PSG6: variants seen among roughly 807,000 people sequenced by gnomAD.
PSG6 encodes the protein pregnancy-specific beta-1-glycoprotein 6.
A neutral mutation model predicts 43.3 loss-of-function variants in PSG6; 51 were observed. The ratio of observed to expected loss-of-function variants is 1.18; its 90% CI spans 0.94 to 1.49. PSG6 has a LOEUF of 1.49. PSG6 is among the 40% of genes most tolerant of loss of function. The probability of loss-of-function intolerance (pLI) is 0.00; values close to 1 mark genes in which losing one functional copy is unlikely to be tolerated. For synonymous variants in PSG6, 292 were observed against 197.6 expected (o/e 1.48, Z -4.01); for missense variants, 770 against 522.2 (o/e 1.47, Z -4.62).
At chr19:42,917,086 C>T (rs1387584075) in intron 1 of PSG6, among the ~76,000 whole-genome samples, 13 of 151,380 alleles carry the variant, frequency 8.6e-5, no homozygotes, top group South Asian at 4.3e-4. Context: ...TTTTTTTTCC[C>T]CCAATTGTTG....
Position 42,907,741 on chromosome 19 carries a change from G to A in PSG6, c.820C>T (p.Leu274=), listed in dbSNP as rs2122626210. 6.2e-7 allele frequency: 1 copy of A among 1,610,860 alleles called. No individual in the cohort carries two copies. Among genetic ancestry groups the A allele is most frequent in the Non-Finnish European group, 8.5e-7 (1 of 1,179,112 alleles). The stretch of plus-strand genomic sequence containing the variant: ...CTGACCGGGAGGCTCTGACCATTTA[G>A]CCACCAAATGTAGGTGTAGTTCCGA... The part of the protein sequence containing the change: ...KSRNYTYIWW[L]NGQSLPVSPR... Residue 274 remains leucine (L), a synonymous_variant, in exon 4 of 6, where the codon CTA becomes TTA. Transcript: ENST00000187910.
intron 5 of PSG6, chr19:42,906,568 GA>G (rs1485460275): frequency 7.6e-7 from 1 of 1,322,954 alleles, no homozygotes; most frequent in African/African-American, 1.5e-5. Flanking sequence ...ATAGGTACAA[GA>G]AAACAAAGAC....
At chr19:42,912,387 G>A (rs578142900) in intron 2 of PSG6, among the ~76,000 whole-genome samples, 1 of 151,768 alleles carries the variant, frequency 6.6e-6, no homozygotes, top group South Asian at 2.1e-4. Context: ...TCAATTGCTG[G>A]TAGTCATATT....
At position 42,910,647 on chromosome 19, in the gene PSG6, G is replaced by T. The variant is rs1972202725; in HGVS notation, c.639C>A (p.Pro213=). 1 of 1,612,400 alleles carries T rather than the reference G, an allele frequency of 6.2e-7. No homozygotes were observed. Among genetic ancestry groups the T allele is most frequent in the Non-Finnish European group, 8.5e-7 (1 of 1,179,272 alleles). ...LFGVTKYIAG[P]YECEIRNPVS... is the part of the protein sequence containing the mutation. ...CTGGGTTCCGTATTTCACATTCATAGGGTCCTGCAATATACTTTGTGACAC... is the reference window on the plus strand; with the variant it reads ...CTGGGTTCCGTATTTCACATTCATATGGTCCTGCAATATACTTTGTGACAC... Residue 213 remains proline, a synonymous_variant, in exon 3 of 6, where the codon CCC becomes CCA. Transcript: ENST00000187910.
At chr19:42,916,575 A>G in intron 1 of PSG6, 88 bp from the exon 2 acceptor site, 1 of 1,496,674 alleles carries the variant, frequency 6.7e-7, no homozygotes, top group Non-Finnish European at 9.0e-7. Context: ...AGGTCTCTTC[A>G]ATCATCAGCC....
Position 42,916,491 on chromosome 19 carries a change from G to C in PSG6, c.65-4C>G. 1.9e-6 allele frequency: 3 copies of C among 1,607,606 alleles called. No individual in the cohort carries two copies. The highest frequency in any genetic ancestry group is 1.3e-5 in the African/African-American group (1 of 74,582). On this transcript the variant is annotated splice_polypyrimidine_tract_variant and splice_region_variant and intron_variant, in intron 1 of 5. Coordinates refer to ENST00000187910, the MANE Select transcript of PSG6 (RefSeq NM_001031850.4). ...TTCCAGAAGTTTAAAAGTGATGCTAGGAGGTAGAGACAGCATCAGTTAATA... is the reference window on the plus strand; with the variant it reads ...TTCCAGAAGTTTAAAAGTGATGCTACGAGGTAGAGACAGCATCAGTTAATA...
At position 42,902,133 on chromosome 19, in the gene PSG6, G is replaced by A. The variant is rs566012291; in HGVS notation, c.*279C>T. 3 of 381,064 alleles carry A rather than the reference G, an allele frequency of 7.9e-6. No homozygotes were observed. In the East Asian group the frequency reaches 1.5e-4, roughly 19 times the overall value. 23.6% of individuals were successfully genotyped at this position (381,064 alleles called of 1,614,324 possible). ...TTACCATAAACCTATGAATACTCAT[G>A]AATAGTTTCCCAATTCTGGGGCACT... On this transcript the variant is annotated 3_prime_UTR_variant, in exon 6 of 6. Coordinates refer to ENST00000187910, the MANE Select transcript of PSG6 (RefSeq NM_001031850.4).
chr19:42,917,763 A>G lies in PSG6; in HGVS notation c.30T>C (p.Thr10=), dbSNP rs555901926. 6.2e-7 allele frequency: 1 copy of G among 1,609,536 alleles called. No homozygotes were observed. Among genetic ancestry groups the G allele is most frequent in the Non-Finnish European group, 8.5e-7 (1 of 1,177,674 alleles). ...GGAGCCCCTTCCAGGTGATGTGCTG[A>G]GTGCAGGGAGGGGCTGAGAGGGGTC... MGPLSAPPC[T]QHITWKGLLL... The change falls in exon 1 of 6, where the codon ACT becomes ACC. Residue 10 remains threonine, a synonymous_variant. Transcript: ENST00000187910.
rs557007471 is a variant in PSG6, at chr19:42,902,222, G to C, written c.*190C>G. 54 of 739,732 alleles carry C rather than the reference G, an allele frequency of 7.3e-5. 1 individual carries two copies. In the East Asian group the frequency reaches 1.4e-3, roughly 19 times the overall value. 45.8% of individuals were successfully genotyped at this position (739,732 alleles called of 1,614,324 possible). On this transcript the variant is annotated 3_prime_UTR_variant, in exon 6 of 6. Coordinates refer to ENST00000187910, the MANE Select transcript of PSG6 (RefSeq NM_001031850.4). Reference sequence around the variant, plus strand: ...ACAAAAGTATACTTTACCAATTGCTGAAGAAAAAAAGTTCATAAATCTGGA... The same window carrying C: ...ACAAAAGTATACTTTACCAATTGCTCAAGAAAAAAAGTTCATAAATCTGGA...
At chr19:42,909,529 T>G (rs1458599633) in intron 3 of PSG6, among the ~76,000 whole-genome samples, 1 of 151,682 alleles carries the variant, frequency 6.6e-6, no homozygotes, top group Non-Finnish European at 1.5e-5. Flanking sequence ...ACAATATTGC[T>G]TCTTCCAATC....
chr19:42,910,609 C>T lies in PSG6; in HGVS notation c.677G>A (p.Arg226His), dbSNP rs9748. The T allele has an allele frequency of 3.3e-5, 53 of 1,612,344 alleles. 3 individuals are homozygous for T. The highest frequency in any genetic ancestry group is 8.9e-5 in the East Asian group (4 of 44,784). The change falls in exon 3 of 6, where the codon CGC becomes CAC. Residue 226 changes from arginine (R) to histidine (H), a missense_variant. By Grantham distance (29) the Arg-to-His change is conservative (BLOSUM62 0). Coordinates refer to ENST00000187910, the MANE Select transcript of PSG6 (RefSeq NM_001031850.4). ...CEIRNPVSAS[R>H]SDPVTLNLLP... ...GAGATTCAGGGTGACTGGGTCACTG[C>T]GGCTGGCACTCACTGGGTTCCGTAT...
chr19:42,906,041 T>C (rs1225670964), intron 5 of PSG6, among the ~76,000 whole-genome samples: 1 of 151,572 alleles, frequency 6.6e-6, no homozygotes, highest in Non-Finnish European at 1.5e-5. Flanking sequence ...TAATGGTAAG[T>C]CTAATATTAG....
chr19:42,906,635 T>C (rs1289830993), intron 5 of PSG6: 2 of 1,381,638 alleles, frequency 1.4e-6, no homozygotes, highest in East Asian at 5.1e-5. Context: ...TTGAGGACTC[T>C]CCTTCTTGTC....
At position 42,906,687 on chromosome 19, in the gene PSG6, T is replaced by G. The variant is rs1972117956; in HGVS notation, c.1240+235A>C. On this transcript the variant is annotated intron_variant, in intron 5 of 5. Transcript: ENST00000187910. ...TCTACCACATAGGGCTCAGGGCTGA[T>G]AAAGCCCCCTCCCTACCTTTCTCAG... 1.9e-5 allele frequency: 28 copies of G among 1,445,890 alleles called. 4 individuals carry two copies. The South Asian group carries it at 3.3e-4, about 17-fold the overall frequency. 89.6% of individuals were successfully genotyped at this position (1,445,890 alleles called of 1,614,324 possible). A position where few individuals can be genotyped will look rare whatever the true frequency, so the allele number is the denominator to read the frequency against.
Position 42,907,721 on chromosome 19 carries a change from C to A in PSG6, c.840G>T (p.Pro280=), listed in dbSNP as rs138530848. 186 of 1,610,710 alleles carry A rather than the reference C, an allele frequency of 1.2e-4. 6 individuals carry two copies. The highest frequency in any genetic ancestry group is 1.5e-4 in the Non-Finnish European group (175 of 1,179,094). Residue 280 remains proline, a synonymous_variant, in exon 4 of 6, where the codon CCG becomes CCT. Transcript: ENST00000187910. ...TGGGTCGCTTTACCCTCGGACTGAC[C>A]GGGAGGCTCTGACCATTTAGCCACC... ...YIWWLNGQSL[P]VSPRVKRPIE...
intron 5 of PSG6, 95 bp downstream of exon 5, chr19:42,906,827 C>G: frequency 6.2e-7 from 1 of 1,607,334 alleles, no homozygotes; most frequent in Non-Finnish European, 8.5e-7. Context: ...CCATGGGACA[C>G]AGTCTGGGAA....
chr19:42,904,349 G>A (rs1357241472), intron 5 of PSG6, among the ~76,000 whole-genome samples: 1 of 151,428 alleles, frequency 6.6e-6, no homozygotes, highest in Admixed American at 6.6e-5. Flanking sequence ...GAAGGAAGGA[G>A]TAAAATTATT....
In PSG6 at chr19:42,910,394, T is replaced by C. The variant is rs558837074; in HGVS notation, c.706+186A>G. 1.9e-4 allele frequency: 280 copies of C among 1,462,292 alleles called. 16 individuals carry two copies. In the South Asian group the frequency reaches 3.3e-3, roughly 17 times the overall value. The allele number at this position is 1,462,292 out of a possible 1,614,324, so 90.6% of individuals were successfully genotyped here. On this transcript the variant is annotated intron_variant, in intron 3 of 5. Transcript: ENST00000187910. ...AGTCTCCCATGACAGGAGAAGCCTCTTCTCTCTTATTGTTGATCAAGCCTA... is the reference window on the plus strand; with the variant it reads ...AGTCTCCCATGACAGGAGAAGCCTCCTCTCTCTTATTGTTGATCAAGCCTA...
Position 42,917,846 on chromosome 19 carries a change from A to T in PSG6, c.-54T>A. 1.9e-6 allele frequency: 3 copies of T among 1,584,012 alleles called. No individual in the cohort carries two copies. The highest frequency in any genetic ancestry group is 1.7e-6 in the Non-Finnish European group (2 of 1,161,654). On this transcript the variant is annotated 5_prime_UTR_variant, in exon 1 of 6. Transcript: ENST00000187910. ...GTGGAGATGAGCCTAGGATCCAGAGACTTCCTGAGCAGGGCTGTCAGGTGT... is the reference window on the plus strand; with the variant it reads ...GTGGAGATGAGCCTAGGATCCAGAGTCTTCCTGAGCAGGGCTGTCAGGTGT...
Sources: gnomAD v4.1 joint callset for allele counts (sites outside exome capture counted in the v4.1 genomes callset) on GRCh38, gnomAD v4.1.1 for gene constraint, MANE v1.5 for transcripts, NCBI Gene and HGNC (gene_info 2026-07-23, HGNC 2026-07-21) for gene names.